GCA: variants seen among roughly 807,000 people sequenced by gnomAD.
GCA encodes grancalcin.
In GCA, 30 loss-of-function variants were observed where a neutral mutation model predicts 32.6. The ratio of observed to expected loss-of-function variants is 0.92; its 90% CI spans 0.69 to 1.25. The LOEUF (loss-of-function observed/expected upper bound fraction) is 1.25, where lower values mean the gene tolerates loss of function less well. Among genes scored for constraint, GCA ranks in the 50% most tolerant of loss-of-function variants. GCA has a pLI of 0.00. For missense variants in GCA, 291 were observed against 266.8 expected, an observed-to-expected ratio of 1.09 and a Z score of -0.63; for synonymous variants, 102 against 84.6, an observed-to-expected ratio of 1.21 and a Z score of -1.13.
chr2:162,373,675 C>G (rs41464145), downstream of GCA: 27 of 1,441,330 alleles, frequency 1.9e-5, no homozygotes, highest in Non-Finnish European at 2.4e-5. Flanking sequence ...ACAGAACAGA[C>G]AGAAGTAGGA....
At chr2:162,372,342 A>T (rs1036593711), downstream of GCA, among the ~76,000 whole-genome samples, 2 of 152,092 alleles carry the variant, frequency 1.3e-5, no homozygotes, top group Non-Finnish European at 2.9e-5. Flanking sequence ...AATCAGATTT[A>T]AAAAAATATA....
chr2:162,319,718 G>A (rs890300051), intron 1 of GCA, among the ~76,000 whole-genome samples: 1 of 152,192 alleles, frequency 6.6e-6, no homozygotes, highest in African/African-American at 2.4e-5. Flanking sequence ...GTGACTGTGG[G>A]TGGTAGGCAC....
chr2:162,320,140 G>A (rs189161192), intron 1 of GCA, among the ~76,000 whole-genome samples: 195 of 152,284 alleles, frequency 1.3e-3, no homozygotes, highest in Middle Eastern at 3.4e-3. Context: ...ATAGCAGCTG[G>A]CATAATGTTA....
intron 1 of GCA, among the ~76,000 whole-genome samples, chr2:162,346,004 T>A (rs1183098083): frequency 6.6e-6 from 1 of 152,194 alleles, no homozygotes; most frequent in African/African-American, 2.4e-5. Context: ...GCATTTCCAA[T>A]AGATTTTTAC....
chr2:162,320,433 A>C (rs1035687088), intron 1 of GCA, among the ~76,000 whole-genome samples: 1 of 152,214 alleles, frequency 6.6e-6, no homozygotes, highest in Non-Finnish European at 1.5e-5. Flanking sequence ...TAAAGCACAA[A>C]CTAACAAACC....
At chr2:162,325,414 G>A (rs1416940683) in intron 1 of GCA, among the ~76,000 whole-genome samples, 1 of 152,104 alleles carries the variant, frequency 6.6e-6, no homozygotes, top group Non-Finnish European at 1.5e-5. Context: ...ACTTCCTCCT[G>A]ATATCAGGAG....
At chr2:162,332,882 C>T (rs575903984) in intron 1 of GCA, among the ~76,000 whole-genome samples, 2 of 152,014 alleles carry the variant, frequency 1.3e-5, no homozygotes, top group Non-Finnish European at 2.9e-5. Context: ...TGGAGAGAGG[C>T]TCAATGGGTG....
intron 2 of GCA, among the ~76,000 whole-genome samples, chr2:162,349,976 T>G (rs549603844): frequency 6.6e-6 from 1 of 152,332 alleles, no homozygotes; most frequent in South Asian, 2.1e-4. Context: ...TTAGACAATA[T>G]ACACAGAATT....
At chr2:162,329,045 T>G (rs1683985683) in intron 1 of GCA, among the ~76,000 whole-genome samples, 1 of 152,156 alleles carries the variant, frequency 6.6e-6, no homozygotes, top group South Asian at 2.1e-4. Flanking sequence ...TGTATTCTTC[T>G]GCTGATGTTC....
At chr2:162,343,440 T>C (rs1270908942), upstream of GCA, among the ~76,000 whole-genome samples, 1 of 152,262 alleles carries the variant, frequency 6.6e-6, no homozygotes, top group African/African-American at 2.4e-5. Flanking sequence ...AATAAGTTTT[T>C]AGTGTATGTT....
rs375835394 is a variant in GCA at position 162,359,031 on chromosome 2, A to G, written c.455-13A>G. The G allele has an allele frequency of 3.2e-6, 4 of 1,244,478 alleles. No individual in the cohort carries two copies. The highest frequency in any genetic ancestry group is 4.7e-6 in the Non-Finnish European group (4 of 858,896). The allele number at this position is 1,244,478 out of a possible 1,614,324, so 77.1% of individuals were successfully genotyped here. A position where few individuals can be genotyped will look rare whatever the true frequency, so the allele number is the denominator to read the frequency against. ...TATTTACATTTAGAAGTTTTAATTT[A>G]TCTCTTTTTTAGGTTATAGGTTGAG... On this transcript the variant is annotated splice_polypyrimidine_tract_variant and intron_variant, in intron 5 of 7. Transcript: ENST00000437150.
intron 2 of GCA, among the ~76,000 whole-genome samples, chr2:162,351,437 C>T (rs186961271): frequency 5.8e-4 from 89 of 152,266 alleles, no homozygotes; most frequent in African/African-American, 1.9e-3. Flanking sequence ...AGCTTTCTAC[C>T]GCTAATGCTA....
chr2:162,366,830 G>C (rs529664351), downstream of GCA, among the ~76,000 whole-genome samples: 1 of 151,972 alleles, frequency 6.6e-6, no homozygotes, highest in South Asian at 2.1e-4. Flanking sequence ...ACTGGCTTTC[G>C]CCTGCTCTGA....
At chr2:162,375,392 A>G (rs1686127975), downstream of GCA, among the ~76,000 whole-genome samples, 2 of 152,196 alleles carry the variant, frequency 1.3e-5, no homozygotes, top group African/African-American at 2.4e-5. Flanking sequence ...TCTCTTTATC[A>G]TGGATTCTAC....
chr2:162,330,041 A>G (rs1032794788), intron 1 of GCA, among the ~76,000 whole-genome samples: 3 of 152,136 alleles, frequency 2.0e-5, no homozygotes, highest in East Asian at 1.9e-4. Context: ...TCAATGGTAT[A>G]TATGTACTAT....
upstream of GCA, among the ~76,000 whole-genome samples, chr2:162,341,492 T>C (rs1163162897): frequency 1.3e-5 from 2 of 151,942 alleles, 1 homozygote; most frequent in Admixed American, 1.3e-4. Flanking sequence ...TCTAAACTTA[T>C]GATAAGACCA....
chr2:162,374,234 A>C (rs1301856937), downstream of GCA, among the ~76,000 whole-genome samples: 1 of 152,170 alleles, frequency 6.6e-6, no homozygotes, highest in African/African-American at 2.4e-5. Context: ...CCCTCTTAAT[A>C]TGTCATGGCC....
intron 1 of GCA, among the ~76,000 whole-genome samples, chr2:162,327,078 C>T (rs1683911220): frequency 6.6e-6 from 1 of 152,140 alleles, no homozygotes; most frequent in Non-Finnish European, 1.5e-5. Flanking sequence ...CCATGGCCTC[C>T]TTCTGTGGGG....
chr2:162,358,043 C>G (rs939298089), intron 5 of GCA, among the ~76,000 whole-genome samples: 1 of 151,420 alleles, frequency 6.6e-6, no homozygotes, highest in Non-Finnish European at 1.5e-5. Context: ...TCAATTTATA[C>G]CTTTCCCACA....
Sources: gnomAD v4.1 joint callset for allele counts (sites outside exome capture counted in the v4.1 genomes callset) on GRCh38, gnomAD v4.1.1 for gene constraint, MANE v1.5 for transcripts, NCBI Gene and HGNC (gene_info 2026-07-23, HGNC 2026-07-21) for gene names.